The following AKAP6 variants were observed in gnomAD, a reference collection of about 807,000 sequenced individuals.
The protein encoded by AKAP6 is A-kinase anchor protein 6.
Under a neutral mutation model 188.5 loss-of-function variants are expected in AKAP6, and 58 were observed. That is an observed-to-expected ratio of 0.31 (90% CI 0.25 to 0.38). The LOEUF is 0.38. AKAP6 is among the 10% of genes least tolerant of loss of function. The pLI is 1.00. For missense variants in AKAP6, 2,710 were observed against 2,740.0 expected, an observed-to-expected ratio of 0.99 and a Z score of 0.24; for synonymous variants, 989 against 998.6, an observed-to-expected ratio of 0.99 and a Z score of 0.18.
intron 5 of AKAP6, among the ~76,000 whole-genome samples, chr14:32,589,571 C>T (rs1318253785): frequency 2.0e-5 from 3 of 152,080 alleles, no homozygotes; most frequent in African/African-American, 4.8e-5. Context: ...GTTAGCTTCC[C>T]TTTTCAGTTA....
At chr14:32,793,062 A>G (rs1362832884) in intron 12 of AKAP6, among the ~76,000 whole-genome samples, 2 of 152,228 alleles carry the variant, frequency 1.3e-5, no homozygotes, top group African/African-American at 4.8e-5. Context: ...GTTACCAGCC[A>G]TTACAAAAAC....
At chr14:32,510,360 A>G (rs1881114979) in intron 2 of AKAP6, among the ~76,000 whole-genome samples, 1 of 114,438 alleles carries the variant, frequency 8.7e-6, no homozygotes, top group Admixed American at 1.0e-4. Flanking sequence ...GGATACATAT[A>G]TATATGTGTA....
intron 5 of AKAP6, among the ~76,000 whole-genome samples, chr14:32,590,838 G>A (rs1245727121): frequency 6.6e-6 from 1 of 152,150 alleles, no homozygotes; most frequent in Admixed American, 6.5e-5. Context: ...TTTAAAATAT[G>A]AAGACGGTAT....
intron 11 of AKAP6, among the ~76,000 whole-genome samples, chr14:32,761,577 T>C (rs749023224): frequency 5.3e-5 from 8 of 152,112 alleles, no homozygotes; most frequent in Non-Finnish European, 8.8e-5. Flanking sequence ...AACTAATTAG[T>C]AAATAATCTG....
chr14:32,619,261 A>C (rs189230861), intron 7 of AKAP6, among the ~76,000 whole-genome samples: 1 of 152,194 alleles, frequency 6.6e-6, no homozygotes, highest in Admixed American at 6.5e-5. Context: ...TGCCTAAGCC[A>C]ACATCCAGGA....
At chr14:32,437,737 C>T (rs1052909164) in intron 2 of AKAP6, among the ~76,000 whole-genome samples, 2 of 152,084 alleles carry the variant, frequency 1.3e-5, no homozygotes, top group African/African-American at 2.4e-5. Flanking sequence ...GCTGAGACTA[C>T]AAGTGCATGC....
intron 7 of AKAP6, among the ~76,000 whole-genome samples, chr14:32,651,305 G>A (rs1425475014): frequency 6.6e-6 from 1 of 152,102 alleles, no homozygotes; most frequent in African/African-American, 2.4e-5. Context: ...AAGAATCATG[G>A]GTTTAATAGG....
At chr14:32,801,728 A>G (rs116553424) in intron 12 of AKAP6, among the ~76,000 whole-genome samples, 339 of 152,260 alleles carry the variant, frequency 2.2e-3, no homozygotes, top group African/African-American at 7.4e-3. Context: ...TTGTCCTGAG[A>G]AAGTTTTTAT....
At chr14:32,796,450 CA>C (rs1306334195) in intron 12 of AKAP6, among the ~76,000 whole-genome samples, 9 of 152,100 alleles carry the variant, frequency 5.9e-5, no homozygotes, top group Admixed American at 6.6e-5. Flanking sequence ...ATCAATGGAA[CA>C]GAATAGAGAA....
chr14:32,583,786 G>A (rs943497769), intron 5 of AKAP6, among the ~76,000 whole-genome samples: 9 of 152,042 alleles, frequency 5.9e-5, no homozygotes, highest in South Asian at 2.1e-4. Context: ...AGCCAGGTGC[G>A]GGATATAATC....
chr14:32,426,238 A>G (rs1045421565), intron 1 of AKAP6, among the ~76,000 whole-genome samples: 19 of 152,004 alleles, frequency 1.2e-4, no homozygotes, highest in Non-Finnish European at 2.6e-4. Flanking sequence ...TTTGCCCTTC[A>G]TGTATTTGAG....
chr14:32,627,167 C>T (rs1887058671), intron 7 of AKAP6, among the ~76,000 whole-genome samples: 1 of 152,124 alleles, frequency 6.6e-6, no homozygotes, highest in Non-Finnish European at 1.5e-5. Context: ...ATCAAATGCT[C>T]AGTTCATTCA....
chr14:32,736,990 G>T (rs940994182), intron 11 of AKAP6, among the ~76,000 whole-genome samples: 1 of 152,166 alleles, frequency 6.6e-6, no homozygotes, highest in African/African-American at 2.4e-5. Flanking sequence ...TAAACTGGAA[G>T]TTAAAGTGTC....
chr14:32,750,730 TA>T (rs1254729250), intron 11 of AKAP6, among the ~76,000 whole-genome samples: 3 of 125,924 alleles, frequency 2.4e-5, no homozygotes, highest in Non-Finnish European at 5.3e-5. Context: ...GTCACTAAAT[TA>T]ATTTTGTTTT....
intron 11 of AKAP6, among the ~76,000 whole-genome samples, chr14:32,740,227 A>G (rs910269949): frequency 4.0e-5 from 6 of 151,522 alleles, no homozygotes; most frequent in African/African-American, 1.5e-4. Context: ...ATATTATTAG[A>G]TTTTTTCCCT....
At chr14:32,611,938 A>G (rs1040913548) in intron 7 of AKAP6, among the ~76,000 whole-genome samples, 1 of 152,168 alleles carries the variant, frequency 6.6e-6, no homozygotes, top group Non-Finnish European at 1.5e-5. Flanking sequence ...CTTCTGAGTT[A>G]GGACAGAAAG....
chr14:32,787,861 A>G (rs569096033), intron 12 of AKAP6, among the ~76,000 whole-genome samples: 8 of 152,218 alleles, frequency 5.3e-5, no homozygotes, highest in Admixed American at 3.9e-4. Context: ...AGTACATTAC[A>G]TAGAGATCTA....
chr14:32,382,887 C>A (rs1446167973), intron 1 of AKAP6, among the ~76,000 whole-genome samples: 1 of 152,076 alleles, frequency 6.6e-6, no homozygotes, highest in Non-Finnish European at 1.5e-5. Context: ...GGAGAGTGGG[C>A]CCGCAAAGAG....
chr14:32,517,562 C>G (rs1881586980), intron 2 of AKAP6, among the ~76,000 whole-genome samples: 1 of 152,210 alleles, frequency 6.6e-6, no homozygotes, highest in African/African-American at 2.4e-5. Flanking sequence ...GCTTCTGGCT[C>G]AGAGGGTCCT....
Sources: gnomAD v4.1 joint callset for allele counts (sites outside exome capture counted in the v4.1 genomes callset) on GRCh38, gnomAD v4.1.1 for gene constraint, MANE v1.5 for transcripts, NCBI Gene and HGNC (gene_info 2026-07-23, HGNC 2026-07-21) for gene names.